The following ZNF699 variants were observed in gnomAD, a reference collection of about 807,000 sequenced individuals.
The protein encoded by ZNF699 is hangover homolog.
ZNF699 carries 18 observed loss-of-function variants against 22.5 expected under a neutral mutation model. The ratio of observed to expected loss-of-function variants is 0.80; its 90% CI spans 0.55 to 1.19. The LOEUF is 1.19. Ranked by LOEUF, ZNF699 falls within the 50% of genes most tolerant of loss-of-function variation. The pLI, the probability that ZNF699 is intolerant of heterozygous loss-of-function variation, is 0.00. For missense variants in ZNF699, 670 were observed against 763.4 expected (o/e 0.88, Z 1.44); for synonymous variants, 241 against 262.3 (o/e 0.92, Z 0.78).
At chr19:9,300,112 G>C (rs945614720) in intron 3 of ZNF699, among the ~76,000 whole-genome samples, 5 of 152,148 alleles carry the variant, frequency 3.3e-5, no homozygotes, top group African/African-American at 1.2e-4. Context: ...TGGAATGCTC[G>C]CTCTGTCGCC....
intron 1 of ZNF699, among the ~76,000 whole-genome samples, chr19:9,305,442 G>C (rs977258914): frequency 3.9e-5 from 6 of 152,180 alleles, no homozygotes; most frequent in African/African-American, 1.4e-4. Context: ...CTGAAGACTA[G>C]AAAAGTCTGG....
In ZNF699 at chr19:9,297,617, C is replaced by T; in HGVS notation, c.287-138G>A. The T allele has an allele frequency of 1.4e-6, 1 of 691,328 alleles. No individual in the cohort carries two copies. Among genetic ancestry groups the T allele is most frequent in the Non-Finnish European group, 2.3e-6 (1 of 426,142 alleles). The allele number at this position is 691,328 out of a possible 1,614,324, so 42.8% of individuals were successfully genotyped here. On this transcript the variant is annotated intron_variant, in intron 4 of 5. Transcript: ENST00000591998. The surrounding 1 kb of genome is among the most constrained non-coding windows in gnomAD (Gnocchi z 4.3). ...AGAAATAATTTTATGAAGATTGAAA[C>T]TAACATAACTAATATAGTATTAGGA... is the stretch of plus-strand genomic sequence containing the variant.
At position 9,296,505 on chromosome 19, in the gene ZNF699, A is replaced by T; in HGVS notation, c.899T>A (p.Ile300Asn). 2 of 1,613,404 alleles carry T rather than the reference A, an allele frequency of 1.2e-6. No homozygotes were observed. The highest frequency in any genetic ancestry group is 1.7e-6 in the Non-Finnish European group (2 of 1,179,854). ...TTCATAAGGCTTATCTCCACTGTGAATTCTTTTGTGTTCTGTGAGCGATGA... is the reference window on the plus strand; with the variant it reads ...TTCATAAGGCTTATCTCCACTGTGATTTCTTTTGTGTTCTGTGAGCGATGA... The part of the protein sequence containing the change: ...CSSSLTEHKR[I>N]HSGDKPYECK... The change falls in exon 6 of 6, where the codon ATT (isoleucine) becomes AAT (asparagine). Residue 300 changes from isoleucine (I) to asparagine (N), a missense_variant. Physicochemically the swap from Ile to Asn is moderately radical, Grantham distance 149 (BLOSUM62 -3). Transcript: ENST00000591998.
At chr19:9,298,101 T>C in intron 3 of ZNF699, 111 bp from the exon 4 acceptor site, 1 of 627,760 alleles carries the variant, frequency 1.6e-6, no homozygotes, top group Non-Finnish European at 2.8e-6. Flanking sequence ...TGGACAACTG[T>C]GAGTTTAACT....
intron 2 of ZNF699, among the ~76,000 whole-genome samples, chr19:9,304,103 G>T (rs772194177): frequency 1.3e-5 from 2 of 152,088 alleles, no homozygotes; most frequent in African/African-American, 2.4e-5. Context: ...TTGCAGGCGT[G>T]AGCCACCGTG....
chr19:9,306,103 A>T (rs2066326804), intron 1 of ZNF699, among the ~76,000 whole-genome samples: 1 of 150,154 alleles, frequency 6.7e-6, no homozygotes, highest in African/African-American at 2.4e-5. Context: ...TAGCAGAATA[A>T]GAATACTTGG....
intron 1 of ZNF699, 83 bp from the exon 2 acceptor site, chr19:9,305,207 C>G: frequency 8.9e-7 from 1 of 1,128,288 alleles, no homozygotes; most frequent in Non-Finnish European, 1.3e-6. Flanking sequence ...AATTCCCACA[C>G]TCATGAGCCT....
chr19:9,295,491 GTGT>G lies in ZNF699; in HGVS notation c.1910_1912del (p.His637_Thr638delinsPro). ...TCCTTACATTTATATGTTTTCTCTA[GTGT>G]GAGTTTTCACATGCCTTCGAAAGTA... On this transcript the variant is annotated inframe_deletion, in exon 6 of 6. Transcript: ENST00000591998. The G allele has an allele frequency of 2.5e-6, 4 of 1,610,646 alleles. No individual in the cohort carries two copies. Among genetic ancestry groups the G allele is most frequent in the Non-Finnish European group, 3.4e-6 (4 of 1,178,360 alleles).
At position 9,296,006 on chromosome 19, in the gene ZNF699, C is replaced by T. The variant is rs372159237; in HGVS notation, c.1398G>A (p.Val466=). The T allele has an allele frequency of 1.2e-6, 2 of 1,613,506 alleles. No individual in the cohort carries two copies. Among genetic ancestry groups the T allele is most frequent in the African/African-American group, 1.3e-5 (1 of 74,718 alleles). The change falls in exon 6 of 6, where the codon GTG becomes GTA. Residue 466 remains valine, a synonymous_variant. Coordinates refer to ENST00000591998, the MANE Select transcript of ZNF699 (RefSeq NM_198535.3). ...ACTGTATCTTTCCAGTGTGATCTCT[C>T]ACATGTGCTCTAAAGGACGAGGGAC... ...FSCPSSFRAH[V]RDHTGKIQYE...
chr19:9,303,987 T>G (rs2066317852), intron 2 of ZNF699, among the ~76,000 whole-genome samples: 1 of 151,870 alleles, frequency 6.6e-6, no homozygotes, highest in East Asian at 1.9e-4. Flanking sequence ...CCAGCTACTT[T>G]TTTTTGTATT....
chr19:9,299,151 T>C (rs2066297856), intron 3 of ZNF699, among the ~76,000 whole-genome samples: 2 of 152,250 alleles, frequency 1.3e-5, no homozygotes, highest in Admixed American at 1.3e-4. Flanking sequence ...TTTCTTTTTT[T>C]TGAGACGGAG....
Position 9,297,025 on chromosome 19 carries a change from GA to G in ZNF699, c.471-93del. 1.7e-6 allele frequency: 2 copies of G among 1,174,320 alleles called. No individual in the cohort carries two copies. The highest frequency in any genetic ancestry group is 2.3e-6 in the Non-Finnish European group (2 of 860,412). The allele number at this position is 1,174,320 out of a possible 1,614,324, so 72.7% of individuals were successfully genotyped here. ...TCTGCCCTTCTGTCAAGTTTAAGCT[GA>G]AAGTTTTCACAGAGGGCTCTACGAC... On this transcript the variant is annotated intron_variant, in intron 5 of 5. Transcript: ENST00000591998. The surrounding 1 kb of genome is among the most constrained non-coding windows in gnomAD (Gnocchi z 4.3).
Position 9,293,369 on chromosome 19 carries a change from G to A in ZNF699, c.*2106C>T, listed in dbSNP as rs1362261001. Among the ~76,000 whole-genome samples the A allele has an allele frequency of 6.6e-6, 1 of 151,956 alleles. No individual in the cohort carries two copies. Among genetic ancestry groups the A allele is most frequent in the African/African-American group, 2.4e-5 (1 of 41,390 alleles). On this transcript the variant is annotated 3_prime_UTR_variant, in exon 6 of 6. Transcript: ENST00000591998. ...ATTATTCGTGGAATCGATATTTTTT[G>A]AAAACTGCAATACCTACCAAAACTA...
intron 1 of ZNF699, among the ~76,000 whole-genome samples, chr19:9,306,065 T>C (rs2066326647): frequency 6.6e-6 from 1 of 150,760 alleles, no homozygotes; most frequent in South Asian, 2.1e-4. Flanking sequence ...GTGATACACA[T>C]GCTAAATCTG....
rs768687412 is a variant in ZNF699, at chr19:9,297,506, C to G, written c.287-27G>C. The G allele has an allele frequency of 5.2e-6, 8 of 1,535,314 alleles. No individual in the cohort carries two copies. The African/African-American group carries it at 1.1e-4, about 22-fold the overall frequency. On this transcript the variant is annotated intron_variant, in intron 4 of 5. Transcript: ENST00000591998. The surrounding 1 kb of genome is among the most constrained non-coding windows in gnomAD (Gnocchi z 4.3). The stretch of plus-strand genomic sequence containing the variant: ...TGAAACGAAAAAAAGTGAAAGCTTC[C>G]ATGAGCCAAGGACTTTTAGCAGAGT...
chr19:9,297,479 C>T lies in ZNF699; in HGVS notation c.287G>A (p.Gly96Asp). The stretch of plus-strand genomic sequence containing the variant: ...ATTAGTTTTAAGTTGAGTCTCAAAA[C>T]CTGAAACGAAAAAAAGTGAAAGCTT... ...QGIFMGEHRE[G>D]FETQLKTNES... Residue 96 changes from glycine (G) to aspartate (D), a missense_variant and splice_region_variant, in exon 5 of 6, where the codon GGT becomes GAT. Coordinates refer to ENST00000591998, the MANE Select transcript of ZNF699 (RefSeq NM_198535.3). The surrounding 1 kb of genome is among the most constrained non-coding windows in gnomAD (Gnocchi z 4.3). 6.4e-7 allele frequency: 1 copy of T among 1,552,842 alleles called. No homozygotes were observed. Among genetic ancestry groups the T allele is most frequent in the Non-Finnish European group, 8.6e-7 (1 of 1,160,102 alleles).
rs1387845585 is a variant in ZNF699, at chr19:9,292,773, G to T, written c.*2702C>A. Among the ~76,000 whole-genome samples the T allele has an allele frequency of 1.3e-5, 2 of 151,426 alleles. No individual in the cohort carries two copies. The highest frequency in any genetic ancestry group is 2.9e-5 in the Non-Finnish European group (2 of 67,946). ...ATCTATGCATGTGTACCTAGATATA[G>T]ATATACATACATACAATAAAGGACA... On this transcript the variant is annotated 3_prime_UTR_variant, in exon 6 of 6. Coordinates refer to ENST00000591998, the MANE Select transcript of ZNF699 (RefSeq NM_198535.3).
rs185088940 is a variant in ZNF699, at chr19:9,305,519, A to G, written c.-5-395T>C. Reference sequence around the variant, plus strand: ...AGGGAGTATCTTCCAAAACATGAATAAACACTCCCCATCTCAAATTCAAGA... The same window carrying G: ...AGGGAGTATCTTCCAAAACATGAATGAACACTCCCCATCTCAAATTCAAGA... On this transcript the variant is annotated intron_variant, in intron 1 of 5. Coordinates refer to ENST00000591998, the MANE Select transcript of ZNF699 (RefSeq NM_198535.3). Among the ~76,000 whole-genome samples, 13 of 152,292 alleles carry G rather than the reference A, an allele frequency of 8.5e-5. No homozygotes were observed. In the East Asian group the frequency reaches 2.5e-3, roughly 29 times the overall value.
rs1300858697 is a variant in ZNF699 at position 9,304,758 on chromosome 19, T to C, written c.48+314A>G. Among the ~76,000 whole-genome samples the C allele has an allele frequency of 3.3e-5, 5 of 152,176 alleles. No homozygotes were observed. In the East Asian group the frequency reaches 9.7e-4, roughly 29 times the overall value. ...GGCCAACATGGTGAAACCCCATCTC[T>C]ATTAAAAATACAAAGTTAGCCGAGA... is the stretch of plus-strand genomic sequence containing the variant. On this transcript the variant is annotated intron_variant, in intron 2 of 5. Transcript: ENST00000591998.
Sources: gnomAD v4.1 joint callset for allele counts (sites outside exome capture counted in the v4.1 genomes callset) on GRCh38, gnomAD v4.1.1 for gene constraint, Gnocchi (gnomAD v3.1) non-coding constraint, MANE v1.5 for transcripts, NCBI Gene and HGNC (gene_info 2026-07-23, HGNC 2026-07-21) for gene names.